OPCML: variants seen among roughly 807,000 people sequenced by gnomAD.
OPCML encodes the protein opioid binding protein/cell adhesion molecule like.
OPCML carries 13 observed loss-of-function variants against 37.8 expected under a neutral mutation model. The ratio of observed to expected loss-of-function variants is 0.34; its 90% CI spans 0.22 to 0.55. OPCML has a LOEUF of 0.55. Among genes scored for constraint, OPCML ranks in the 20% least tolerant of loss-of-function variants. The probability of loss-of-function intolerance (pLI) is 0.91; values close to 1 mark genes in which losing one functional copy is unlikely to be tolerated. For synonymous variants in OPCML, 176 were observed against 168.8 expected, an observed-to-expected ratio of 1.04 and a Z score of -0.33; for missense variants, 341 against 435.6, an observed-to-expected ratio of 0.78 and a Z score of 1.93.
intron 2 of OPCML, among the ~76,000 whole-genome samples, chr11:132,789,180 C>T (rs548396812): frequency 7.2e-5 from 11 of 152,274 alleles, no homozygotes; most frequent in Non-Finnish European, 1.0e-4. Flanking sequence ...GTTTATTATA[C>T]GTTGACTTCT....
chr11:133,023,286 C>A (rs1947487508), intron 1 of OPCML, among the ~76,000 whole-genome samples: 1 of 152,232 alleles, frequency 6.6e-6, no homozygotes, highest in South Asian at 2.1e-4. Context: ...GTGTCCCAAG[C>A]TGCAGTGCAG....
chr11:132,896,674 C>T (rs2135630), intron 2 of OPCML, among the ~76,000 whole-genome samples: 67,425 of 152,102 alleles, frequency 0.44, 15,466 homozygotes, highest in African/African-American at 0.56. Flanking sequence ...GGAATCTTCA[C>T]TGCCTTTCCC....
At chr11:132,438,042 T>G (rs1168192589) in intron 4 of OPCML, among the ~76,000 whole-genome samples, 1 of 152,234 alleles carries the variant, frequency 6.6e-6, no homozygotes, top group African/African-American at 2.4e-5. Context: ...GCCTAGTGGA[T>G]TTAATACTCA....
chr11:132,883,297 A>T (rs1943285439), intron 2 of OPCML, among the ~76,000 whole-genome samples: 1 of 152,170 alleles, frequency 6.6e-6, no homozygotes, highest in African/African-American at 2.4e-5. Context: ...GGGCTGAAAC[A>T]ATCACATTAA....
At chr11:133,124,634 T>C (rs1178704094) in intron 1 of OPCML, among the ~76,000 whole-genome samples, 9 of 152,128 alleles carry the variant, frequency 5.9e-5, no homozygotes, top group African/African-American at 2.2e-4. Context: ...TATGGGGGCA[T>C]TGAGACTGAG....
chr11:133,086,275 T>C (rs1204042844), intron 1 of OPCML, among the ~76,000 whole-genome samples: 1 of 152,152 alleles, frequency 6.6e-6, no homozygotes, highest in East Asian at 1.9e-4. Flanking sequence ...CAATTTGAGG[T>C]GTAATTATTT....
intron 3 of OPCML, among the ~76,000 whole-genome samples, chr11:132,600,507 A>T (rs1372212627): frequency 6.6e-6 from 1 of 152,214 alleles, no homozygotes; most frequent in Non-Finnish European, 1.5e-5. Context: ...GAAGTTTTTT[A>T]TTGCAACAAA....
At chr11:132,868,553 G>T (rs1324331238) in intron 2 of OPCML, among the ~76,000 whole-genome samples, 1 of 152,032 alleles carries the variant, frequency 6.6e-6, no homozygotes, top group Non-Finnish European at 1.5e-5. Context: ...GGAATCAAAG[G>T]GTTGTCCTAG....
chr11:132,626,674 T>C (rs1939757370), intron 3 of OPCML, among the ~76,000 whole-genome samples: 1 of 131,072 alleles, frequency 7.6e-6, no homozygotes, highest in South Asian at 2.7e-4. Context: ...AACTGCTTCA[T>C]TGTTATTTGG....
In OPCML at chr11:132,688,956, CAAAAAAAAAAAAAAAAA is replaced by C. The variant is rs749705629; in HGVS notation, c.147-31654_147-31638del. The stretch of plus-strand genomic sequence containing the variant: ...TGGGCGACAGAGCGAGACTCCGTCT[CAAAAAAAAAAAAAAAAA>C]AAAAAAAAAAATAGAAAAGCTCCTT... On this transcript the variant is annotated intron_variant, in intron 2 of 7. Transcript: ENST00000524381. 4.2e-4 allele frequency among the ~76,000 whole-genome samples: 6 copies of C among 14,446 alleles called. 3 individuals are homozygous for C. Among genetic ancestry groups the C allele is most frequent in the African/African-American group, 1.5e-3 (6 of 3,872 alleles). The allele number at this position is 14,446 out of a possible 152,430, so 9.5% of individuals were successfully genotyped here.
chr11:132,953,031 C>T (rs181753234), intron 1 of OPCML, among the ~76,000 whole-genome samples: 14 of 152,258 alleles, frequency 9.2e-5, no homozygotes, highest in Admixed American at 6.5e-4. Context: ...ATGAGGTTCC[C>T]CAAGGCTTAG....
Position 133,515,863 on chromosome 11 carries a change from C to G in OPCML, c.61+16401G>C, listed in dbSNP as rs540740972. Among the ~76,000 whole-genome samples, 35 of 150,706 alleles carry G rather than the reference C, an allele frequency of 2.3e-4. 1 individual carries two copies. In the South Asian group the frequency reaches 7.4e-3, roughly 32 times the overall value. ...AAGAGGAAAAAAAAAAAAAAAGTTT[C>G]TACTGATCTTAAAGATTTCCCAGTC... On this transcript the variant is annotated intron_variant, in intron 1 of 7. Transcript: ENST00000524381.
chr11:132,435,954 G>A (rs2096011566), intron 7 of OPCML, 132 bp downstream of exon 7: 2 of 768,238 alleles, frequency 2.6e-6, no homozygotes, highest in African/African-American at 3.5e-5. Flanking sequence ...GGAGAAGTAT[G>A]TCTTATCTAC....
chr11:133,386,549 C>T (rs867993954), intron 1 of OPCML, among the ~76,000 whole-genome samples: 44 of 152,212 alleles, frequency 2.9e-4, no homozygotes, highest in African/African-American at 1.1e-3. Flanking sequence ...AGTCTGAGAA[C>T]AAAGACATGG....
chr11:133,390,078 T>G (rs940365429), intron 1 of OPCML, among the ~76,000 whole-genome samples: 1 of 152,198 alleles, frequency 6.6e-6, no homozygotes, highest in Admixed American at 6.5e-5. Context: ...CTGCTTACAT[T>G]GAGAATTTCT....
chr11:133,024,943 C>G (rs1947523386), intron 1 of OPCML: 1 of 985,284 alleles, frequency 1.0e-6, no homozygotes, highest in Admixed American at 6.1e-5. Context: ...ATTCCTGAAC[C>G]AATGCGCACT....
chr11:133,500,212 AG>A (rs1947882192), intron 1 of OPCML, among the ~76,000 whole-genome samples: 1 of 152,072 alleles, frequency 6.6e-6, no homozygotes, highest in South Asian at 2.1e-4. Context: ...CAAACATCAA[AG>A]GAGAAATAGC....
rs746971650 is a variant in OPCML at position 132,657,106 on chromosome 11, C to A, written c.360G>T (p.Arg120=). The change falls in exon 3 of 8, where the codon CGG becomes CGT. Residue 120 remains arginine (R), a synonymous_variant. Transcript: ENST00000524381. Reference sequence around the variant, plus strand: ...ACTTACCTTGCACTATTAGGTGAACCCGGGACGTTTTGGGATGATTGTCTG... The same window carrying A: ...ACTTACCTTGCACTATTAGGTGAACACGGGACGTTTTGGGATGATTGTCTG... The part of the protein sequence containing the change: ...VQTDNHPKTS[R]VHLIVQVPPQ... 6.2e-7 allele frequency: 1 copy of A among 1,614,180 alleles called. No individual in the cohort carries two copies. The highest frequency in any genetic ancestry group is 1.1e-5 in the South Asian group (1 of 91,080).
chr11:133,308,402 A>C (rs1299816256), intron 1 of OPCML, among the ~76,000 whole-genome samples: 1 of 152,196 alleles, frequency 6.6e-6, no homozygotes, highest in Non-Finnish European at 1.5e-5. Flanking sequence ...ATAGATAATC[A>C]ATGCCAGATT....
Sources: gnomAD v4.1 joint callset for allele counts (sites outside exome capture counted in the v4.1 genomes callset) on GRCh38, gnomAD v4.1.1 for gene constraint, MANE v1.5 for transcripts, NCBI Gene and HGNC (gene_info 2026-07-23, HGNC 2026-07-21) for gene names.